The following RIMS1 variants were observed in gnomAD, a reference collection of about 807,000 sequenced individuals.
The protein encoded by RIMS1 is regulating synaptic membrane exocytosis protein 1.
Under a neutral mutation model 214.1 loss-of-function variants are expected in RIMS1, and 83 were observed. The observed-to-expected ratio is 0.39, with a 90% CI of 0.32 to 0.47. The LOEUF (loss-of-function observed/expected upper bound fraction) is 0.47. Among genes scored for constraint, RIMS1 ranks in the 20% least tolerant of loss-of-function variants. RIMS1 has a pLI of 0.99. For missense variants in RIMS1, 2,050 were observed against 2,161.8 expected (o/e 0.95, Z 1.03); for synonymous variants, 793 against 786.8 (o/e 1.01, Z -0.13).
At chr6:72,098,911 A>T (rs1358444678) in intron 3 of RIMS1, among the ~76,000 whole-genome samples, 1 of 152,210 alleles carries the variant, frequency 6.6e-6, no homozygotes, top group Non-Finnish European at 1.5e-5. Context: ...TGTATCTGGC[A>T]CATAGAAAGT....
chr6:72,275,604 GT>G (rs889229733), intron 23 of RIMS1, among the ~76,000 whole-genome samples: 4 of 151,864 alleles, frequency 2.6e-5, no homozygotes, highest in Admixed American at 6.6e-5. Flanking sequence ...CCTCAATATG[GT>G]TTACATTTAC....
At chr6:72,352,107 C>A (rs553101762) in intron 29 of RIMS1, among the ~76,000 whole-genome samples, 1 of 152,316 alleles carries the variant, frequency 6.6e-6, no homozygotes. Context: ...AGTGAACCTT[C>A]TGACTCTGCA....
chr6:72,178,552 G>C (rs2048023681), intron 4 of RIMS1, among the ~76,000 whole-genome samples: 1 of 152,160 alleles, frequency 6.6e-6, no homozygotes, highest in Non-Finnish European at 1.5e-5. Flanking sequence ...TTTTCCTGTG[G>C]AGGTAGTTTC....
intron 9 of RIMS1, among the ~76,000 whole-genome samples, 186 bp downstream of exon 9, chr6:72,238,108 A>G (rs1444774884): frequency 6.6e-6 from 1 of 152,012 alleles, no homozygotes; most frequent in East Asian, 1.9e-4. Context: ...ATATTTACCA[A>G]TTGCAATAAT....
intron 1 of RIMS1, among the ~76,000 whole-genome samples, chr6:71,931,834 C>A (rs1040512722): frequency 2.6e-5 from 4 of 151,650 alleles, no homozygotes; most frequent in African/African-American, 9.7e-5. Flanking sequence ...GCCTATGTCC[C>A]GGAATGGTAT....
chr6:72,379,841 C>T (rs1379570779), intron 29 of RIMS1, among the ~76,000 whole-genome samples: 3 of 152,158 alleles, frequency 2.0e-5, no homozygotes, highest in African/African-American at 4.8e-5. Flanking sequence ...CATTCTGAGT[C>T]CAGAGTTGCC....
chr6:72,145,654 G>T (rs1235974783), intron 4 of RIMS1, among the ~76,000 whole-genome samples: 1 of 152,078 alleles, frequency 6.6e-6, no homozygotes, highest in African/African-American at 2.4e-5. Context: ...ACTGACCACA[G>T]GTTAGGAACC....
At chr6:72,221,505 A>G (rs2058425020) in intron 6 of RIMS1, among the ~76,000 whole-genome samples, 1 of 152,008 alleles carries the variant, frequency 6.6e-6, no homozygotes, top group Admixed American at 6.5e-5. Flanking sequence ...TCTCATTTGA[A>G]AACTAAGCCA....
At chr6:72,212,937 T>C in intron 6 of RIMS1, 2 of 1,386,768 alleles carry the variant, frequency 1.4e-6, no homozygotes, top group South Asian at 1.7e-5. Context: ...AAGGAGACTT[T>C]CTTGTTCTCA....
chr6:71,920,997 C>T (rs1441403724), intron 1 of RIMS1, among the ~76,000 whole-genome samples: 1 of 152,076 alleles, frequency 6.6e-6, no homozygotes, highest in Non-Finnish European at 1.5e-5. Flanking sequence ...TAATAATAAC[C>T]AAAGCCATTC....
At chr6:72,394,325 A>T (rs1307077705) in intron 31 of RIMS1, among the ~76,000 whole-genome samples, 9 of 152,182 alleles carry the variant, frequency 5.9e-5, no homozygotes, top group Non-Finnish European at 1.3e-4. Context: ...GTAGGGAAAA[A>T]GAAGGTCTGT....
At chr6:72,134,735 A>T (rs1483531436) in intron 4 of RIMS1, among the ~76,000 whole-genome samples, 1 of 152,136 alleles carries the variant, frequency 6.6e-6, no homozygotes, top group Non-Finnish European at 1.5e-5. Context: ...GTCACATTTG[A>T]TAGTGATAGT....
In RIMS1 at chr6:72,258,884, G is replaced by A. The variant is rs1015347510; in HGVS notation, c.2928-102G>A. The A allele has an allele frequency of 5.7e-6, 6 of 1,056,298 alleles. No individual in the cohort carries two copies. In the African/African-American group the frequency reaches 9.4e-5, roughly 17 times the overall value. 65.4% of individuals were successfully genotyped at this position (1,056,298 alleles called of 1,614,324 possible). On this transcript the variant is annotated intron_variant, in intron 17 of 33. Coordinates refer to ENST00000521978, the MANE Select transcript of RIMS1 (RefSeq NM_014989.7). ...TTGATTATGATGCAAATACTTTTCA[G>A]TGTTTATTTGCATATTACTCTCAGT...
chr6:71,912,604 G>A (rs1419020), intron 1 of RIMS1, among the ~76,000 whole-genome samples: 46,409 of 151,898 alleles, frequency 0.31, 7,872 homozygotes, highest in East Asian at 0.46. Flanking sequence ...GCAGTGACTC[G>A]TTGCAATGAC....
At chr6:71,994,874 G>A (rs902685098) in intron 2 of RIMS1, among the ~76,000 whole-genome samples, 2 of 152,176 alleles carry the variant, frequency 1.3e-5, no homozygotes, top group African/African-American at 2.4e-5. Flanking sequence ...AGGGAAGGGC[G>A]GGTATACTGC....
intron 2 of RIMS1, among the ~76,000 whole-genome samples, chr6:72,012,678 G>T (rs1811211557): frequency 6.6e-6 from 1 of 152,144 alleles, no homozygotes; most frequent in African/African-American, 2.4e-5. Flanking sequence ...AGGTAAGGGT[G>T]GAGAGATGTA....
intron 1 of RIMS1, among the ~76,000 whole-genome samples, chr6:71,962,766 T>C (rs1712106507): frequency 6.6e-6 from 1 of 152,202 alleles, no homozygotes; most frequent in African/African-American, 2.4e-5. Context: ...TTAAAATATA[T>C]ATTTGAAGAT....
chr6:72,154,817 C>T (rs2044223933), intron 4 of RIMS1, among the ~76,000 whole-genome samples: 1 of 140,652 alleles, frequency 7.1e-6, no homozygotes, highest in African/African-American at 2.5e-5. Flanking sequence ...AAAATGAGAA[C>T]ATAGTGTTTG....
chr6:72,383,667 G>A (rs2098535637), intron 29 of RIMS1, among the ~76,000 whole-genome samples: 1 of 149,676 alleles, frequency 6.7e-6, no homozygotes, highest in Admixed American at 6.7e-5. Context: ...GCATGTGCCT[G>A]TAGTCCTGGC....
Sources: gnomAD v4.1 joint callset for allele counts (sites outside exome capture counted in the v4.1 genomes callset) on GRCh38, gnomAD v4.1.1 for gene constraint, MANE v1.5 for transcripts, NCBI Gene and HGNC (gene_info 2026-07-23, HGNC 2026-07-21) for gene names.